Variants in SOX5 observed in about 807,000 individuals in gnomAD.
SOX5 encodes transcription factor SOX-5.
Under a neutral mutation model 92.0 loss-of-function variants are expected in SOX5, and 9 were observed. That is an observed-to-expected ratio of 0.10 (90% CI 0.06 to 0.17). The LOEUF is 0.17. SOX5 is among the 10% of genes least tolerant of loss of function. The probability of loss-of-function intolerance (pLI) is 1.00; values close to 1 mark genes in which losing one functional copy is unlikely to be tolerated. For missense variants in SOX5, 642 were observed against 944.5 expected, an observed-to-expected ratio of 0.68 and a Z score of 4.20; for synonymous variants, 344 against 336.3, an observed-to-expected ratio of 1.02 and a Z score of -0.25.
rs57964050 is a variant in SOX5, at chr12:24,428,726, C to CAA, written c.-250-60089_-250-60088dup. On this transcript the variant is annotated intron_variant, in intron 1 of 4. Coordinates refer to the SOX5 transcript ENST00000446891. ...GGCAACAGAGTGAGACTCTGTTTCTCAAAAAAAAAAAAAAAAAAAAAAAAA... is the reference window on the plus strand; with the variant it reads ...GGCAACAGAGTGAGACTCTGTTTCTCAAAAAAAAAAAAAAAAAAAAAAAAAAA... Among the ~76,000 whole-genome samples, 184 of 32,598 alleles carry CAA rather than the reference C, an allele frequency of 5.6e-3. 26 individuals carry two copies. The highest frequency in any genetic ancestry group is 6.7e-3 in the Non-Finnish European group (132 of 19,604). The allele number at this position is 32,598 out of a possible 152,430, so 21.4% of individuals were successfully genotyped here. A position where few individuals can be genotyped will look rare whatever the true frequency, so the allele number is the denominator to read the frequency against.
At chr12:23,679,129 A>C (rs1471338335) in intron 6 of SOX5, among the ~76,000 whole-genome samples, 1 of 152,178 alleles carries the variant, frequency 6.6e-6, no homozygotes, top group Non-Finnish European at 1.5e-5. Flanking sequence ...TTCTATGCAG[A>C]GCCTCCAAGA....
intron 2 of SOX5, among the ~76,000 whole-genome samples, chr12:24,347,303 T>C (rs1363098204): frequency 6.6e-6 from 1 of 152,190 alleles, no homozygotes; most frequent in East Asian, 1.9e-4. Flanking sequence ...TATACCATTT[T>C]ATATCAAGGA....
At chr12:23,645,184 C>T (rs1479457) in intron 7 of SOX5, among the ~76,000 whole-genome samples, 21,426 of 152,140 alleles carry the variant, frequency 0.14, 1,944 homozygotes, top group South Asian at 0.24. Context: ...CTAATCCAGG[C>T]TTCAATCTTA....
At chr12:24,199,346 G>A (rs569895629) in intron 4 of SOX5, among the ~76,000 whole-genome samples, 15 of 152,286 alleles carry the variant, frequency 9.8e-5, no homozygotes, top group East Asian at 3.9e-4. Context: ...CCAAAATGTC[G>A]CAGTAATTAC....
chr12:24,051,248 T>A (rs949119037), intron 4 of SOX5, among the ~76,000 whole-genome samples: 3 of 152,076 alleles, frequency 2.0e-5, no homozygotes, highest in Non-Finnish European at 4.4e-5. Context: ...TAGAAAAGAA[T>A]GTTTTTTTTC....
Position 24,171,215 on chromosome 12 carries a change from TTGTTTGTTTGTTTG to T in SOX5, c.-2+42114_-2+42127del, listed in dbSNP as rs1429319344. ...TTATTTCATTGGCCAACAGTTTTTT[TTGTTTGTTTGTTTG>T]TTTTTTTTTTTGGAGACAGAGTCTC... On this transcript the variant is annotated intron_variant, in intron 4 of 4. Transcript: ENST00000446891. Among the ~76,000 whole-genome samples the T allele has an allele frequency of 2.0e-4, 10 of 49,754 alleles. No homozygotes were observed. The East Asian group carries it at 2.7e-3, about 13-fold the overall frequency. 32.6% of individuals were successfully genotyped at this position (49,754 alleles called of 152,430 possible).
At chr12:24,380,630 T>C (rs1957731390) in intron 1 of SOX5, among the ~76,000 whole-genome samples, 1 of 152,214 alleles carries the variant, frequency 6.6e-6, no homozygotes, top group Admixed American at 6.5e-5. Flanking sequence ...TTAGTGTGCC[T>C]CTAACTCATA....
chr12:24,344,489 G>C (rs1306747538), intron 2 of SOX5, among the ~76,000 whole-genome samples: 1 of 152,110 alleles, frequency 6.6e-6, no homozygotes, highest in Non-Finnish European at 1.5e-5. Context: ...CACTGGCGAT[G>C]AACATGGATC....
At chr12:24,412,278 A>G (rs1964247483) in intron 1 of SOX5, among the ~76,000 whole-genome samples, 1 of 151,784 alleles carries the variant, frequency 6.6e-6, no homozygotes, top group Non-Finnish European at 1.5e-5. Context: ...TCTGTTTTCA[A>G]TTTTATTGAC....
intron 6 of SOX5, among the ~76,000 whole-genome samples, chr12:23,700,503 G>A (rs1197346873): frequency 2.0e-5 from 3 of 152,036 alleles, no homozygotes; most frequent in Non-Finnish European, 4.4e-5. Context: ...GTGCCTTTGA[G>A]CACTTGTTCC....
At chr12:23,854,955 A>G (rs1395166939) in intron 2 of SOX5, among the ~76,000 whole-genome samples, 1 of 152,122 alleles carries the variant, frequency 6.6e-6, no homozygotes, top group African/African-American at 2.4e-5. Context: ...TAAAATGGCA[A>G]CAAATATTAC....
chr12:24,468,910 G>A (rs114442601), intron 1 of SOX5, among the ~76,000 whole-genome samples: 7 of 152,112 alleles, frequency 4.6e-5, no homozygotes, highest in African/African-American at 1.2e-4. Flanking sequence ...TGGCACCAGC[G>A]ACAGGTTTCA....
intron 3 of SOX5, among the ~76,000 whole-genome samples, chr12:23,786,224 CAGAA>C (rs1336698407): frequency 6.6e-6 from 1 of 151,866 alleles, no homozygotes; most frequent in Non-Finnish European, 1.5e-5. Flanking sequence ...TCAATCATAC[CAGAA>C]AGACATACTT....
At chr12:24,496,955 G>A (rs1947700656) in intron 1 of SOX5, among the ~76,000 whole-genome samples, 1 of 152,148 alleles carries the variant, frequency 6.6e-6, no homozygotes, top group South Asian at 2.1e-4. Context: ...CACTAAGCAT[G>A]GAATCTGTTA....
intron 2 of SOX5, among the ~76,000 whole-genome samples, chr12:24,322,195 C>T (rs1255509768): frequency 6.6e-6 from 1 of 152,008 alleles, no homozygotes; most frequent in African/African-American, 2.4e-5. Context: ...TCATTCATGA[C>T]ATGAAAAAAA....
intron 3 of SOX5, among the ~76,000 whole-genome samples, chr12:23,807,532 C>T (rs2095801182): frequency 6.6e-6 from 1 of 152,030 alleles, no homozygotes; most frequent in Non-Finnish European, 1.5e-5. Context: ...TTACCAGAAG[C>T]TATGAAGAGG....
intron 4 of SOX5, among the ~76,000 whole-genome samples, chr12:24,127,111 G>A (rs538973842): frequency 1.1e-4 from 16 of 151,954 alleles, no homozygotes; most frequent in Non-Finnish European, 2.1e-4. Context: ...GTTGATGCCA[G>A]GCACAGTGGC....
At chr12:23,918,908 C>T (rs1349701708) in intron 1 of SOX5, among the ~76,000 whole-genome samples, 1 of 150,376 alleles carries the variant, frequency 6.6e-6, no homozygotes, top group African/African-American at 2.5e-5. Context: ...CATAGCAAGA[C>T]TCCATTTCAA....
At chr12:24,040,555 G>C (rs568625382) in intron 4 of SOX5, among the ~76,000 whole-genome samples, 2 of 152,288 alleles carry the variant, frequency 1.3e-5, no homozygotes, top group African/African-American at 4.8e-5. Flanking sequence ...ATTTACTTAA[G>C]CTATATGCCT....
Sources: allele counts gnomAD v4.1 joint callset (sites outside exome capture counted in the v4.1 genomes callset), GRCh38; gene constraint gnomAD v4.1.1; transcripts MANE v1.5; gene names NCBI Gene and HGNC (gene_info 2026-07-23, HGNC 2026-07-21).